PPP1R13L: variants seen among roughly 807,000 people sequenced by gnomAD.
PPP1R13L encodes the protein relA-associated inhibitor.
In PPP1R13L, 50 loss-of-function variants were observed where a neutral mutation model predicts 80.9. The observed-to-expected ratio is 0.62, with a 90% CI of 0.49 to 0.78. The LOEUF (loss-of-function observed/expected upper bound fraction) is 0.78, where lower values mean the gene tolerates loss of function less well. Among genes scored for constraint, PPP1R13L ranks in the 30% least tolerant of loss-of-function variants. PPP1R13L has a pLI of 0.00. For missense variants in PPP1R13L, 1,200 were observed against 1,205.9 expected (o/e 1.00, Z 0.07); for synonymous variants, 602 against 534.3 (o/e 1.13, Z -1.75).
chr19:45,392,466 C>G, intron 7 of PPP1R13L, 126 bp from the exon 8 acceptor site: 2 of 944,430 alleles, frequency 2.1e-6, no homozygotes, highest in South Asian at 2.8e-5. Flanking sequence ...GTTCCTTGCC[C>G]TCTCTGGGCT....
At chr19:45,384,249 A>G (rs1599762632) in intron 11 of PPP1R13L, among the ~76,000 whole-genome samples, 1 of 151,386 alleles carries the variant, frequency 6.6e-6, no homozygotes, top group South Asian at 2.1e-4. Flanking sequence ...GGCCGGGCAC[A>G]GTGGCTCACA....
intron 7 of PPP1R13L, chr19:45,393,161 TCCAGC>T (rs1973013511): frequency 1.3e-5 from 2 of 150,900 alleles, no homozygotes; most frequent in African/African-American, 4.9e-5. Flanking sequence ...ACCACTGCAC[TCCAGC>T]CTGGGCAAAA....
chr19:45,397,273 A>G (rs1429651304), intron 3 of PPP1R13L, among the ~76,000 whole-genome samples: 2 of 151,976 alleles, frequency 1.3e-5, no homozygotes, highest in South Asian at 4.1e-4. Flanking sequence ...TGTCACCTTT[A>G]TGCCACTTAG....
chr19:45,396,307 G>T lies in PPP1R13L; in HGVS notation c.811+31C>A. ...GTCTGTGGGGCTGCCTCTCCTCCGG[G>T]TCCTCCATTCCCCGGGCCTCCACCA... On this transcript the variant is annotated intron_variant, in intron 5 of 12. Coordinates refer to ENST00000360957, the MANE Select transcript of PPP1R13L (RefSeq NM_006663.4). This position sits in a 1 kb window ranked among gnomAD's most constrained non-coding sequence, Gnocchi z 5.3. The T allele has an allele frequency of 6.2e-7, 1 of 1,613,830 alleles. No individual in the cohort carries two copies. Among genetic ancestry groups the T allele is most frequent in the Non-Finnish European group, 8.5e-7 (1 of 1,179,962 alleles).
intron 1 of PPP1R13L, 27 bp from the exon 2 acceptor site, chr19:45,398,366 G>A: frequency 6.2e-7 from 1 of 1,606,848 alleles, no homozygotes; most frequent in South Asian, 1.1e-5. Flanking sequence ...GAGGGAGCTG[G>A]CTAAGACCCC....
rs561231630 is a variant in PPP1R13L at position 45,383,911 on chromosome 19, G to A, written c.2249-1185C>T. 2.5e-3 allele frequency among the ~76,000 whole-genome samples: 386 copies of A among 151,664 alleles called. 1 individual carries two copies. The highest frequency in any genetic ancestry group is 8.8e-3 in the African/African-American group (363 of 41,332). On this transcript the variant is annotated intron_variant, in intron 11 of 12. Transcript: ENST00000360957. ...AAAGTAGCTGGGACTACAGGCCCACGCCGCTACACCCGGCTAAATTGTTTT... is the reference window on the plus strand; with the variant it reads ...AAAGTAGCTGGGACTACAGGCCCACACCGCTACACCCGGCTAAATTGTTTT...
intron 8 of PPP1R13L, among the ~76,000 whole-genome samples, chr19:45,388,084 A>C (rs1206738163): frequency 6.6e-6 from 1 of 151,842 alleles, no homozygotes; most frequent in East Asian, 1.9e-4. Flanking sequence ...CATGAGAATC[A>C]CTTGAACCCA....
chr19:45,385,439 G>A lies in PPP1R13L; in HGVS notation c.2248+123C>T, dbSNP rs1972845480. On this transcript the variant is annotated intron_variant, in intron 11 of 12. Transcript: ENST00000360957. ...GGTCCATCCCTCATCCTCCTCCTCG[G>A]CAATCCTGCCAAGTGGTTGGTACAG... 3.3e-6 allele frequency: 4 copies of A among 1,199,666 alleles called. No individual in the cohort carries two copies. The South Asian group carries it at 6.4e-5, about 19-fold the overall frequency. The allele number at this position is 1,199,666 out of a possible 1,614,324, so 74.3% of individuals were successfully genotyped here.
At chr19:45,402,993 G>A (rs749671995) in intron 1 of PPP1R13L, among the ~76,000 whole-genome samples, 1 of 152,166 alleles carries the variant, frequency 6.6e-6, no homozygotes, top group Non-Finnish European at 1.5e-5. Context: ...ACTGTCTCTG[G>A]GACTCGGTTT....
chr19:45,404,461 G>A (rs1414479442), intron 1 of PPP1R13L, among the ~76,000 whole-genome samples: 1 of 152,160 alleles, frequency 6.6e-6, no homozygotes, highest in Non-Finnish European at 1.5e-5. Flanking sequence ...CCCCATCCCC[G>A]AGCCGAAAAG....
intron 7 of PPP1R13L, chr19:45,393,123 T>C (rs1030940079): frequency 6.8e-6 from 1 of 146,110 alleles, no homozygotes; most frequent in Non-Finnish European, 1.5e-5. Flanking sequence ...GAGGCGGAGG[T>C]TGCAGTGAGC....
chr19:45,392,679 G>T, intron 7 of PPP1R13L: 1 of 408,690 alleles, frequency 2.4e-6, no homozygotes, highest in South Asian at 2.1e-5. Context: ...CCATGCAGTT[G>T]GGACTTGAAC....
intron 8 of PPP1R13L, among the ~76,000 whole-genome samples, chr19:45,388,143 G>C (rs1380705691): frequency 6.6e-6 from 1 of 151,820 alleles, no homozygotes; most frequent in South Asian, 2.1e-4. Flanking sequence ...ACTCCAGCCT[G>C]GGTGACAGAG....
rs1972848561 is a variant in PPP1R13L, at chr19:45,385,563, T to C, written c.2247A>G (p.Ala749=). 1.2e-6 allele frequency: 2 copies of C among 1,610,246 alleles called. No homozygotes were observed. Among genetic ancestry groups the C allele is most frequent in the Non-Finnish European group, 1.7e-6 (2 of 1,178,130 alleles). ...EGYADCATYL[A]DVEQSMGLMN... is the part of the protein sequence containing the mutation. Reference sequence around the variant, plus strand: ...GGCGCCAGCAGCCCTGCCTCGCACCTGCCAGGTAGGTGGCGCAGTCAGCAT... The same window carrying C: ...GGCGCCAGCAGCCCTGCCTCGCACCCGCCAGGTAGGTGGCGCAGTCAGCAT... Residue 749 remains alanine (A), a splice_region_variant and synonymous_variant, in exon 11 of 13, where the codon GCA becomes GCG. Transcript: ENST00000360957.
intron 8 of PPP1R13L, 140 bp from the exon 9 acceptor site, chr19:45,386,320 G>T: frequency 9.0e-7 from 1 of 1,115,202 alleles, no homozygotes; most frequent in South Asian, 2.0e-5. Flanking sequence ...GATGGGGTGA[G>T]GGGGTGCCTT....
At chr19:45,398,790 C>T (rs138351326) in intron 1 of PPP1R13L, among the ~76,000 whole-genome samples, 14 of 151,856 alleles carry the variant, frequency 9.2e-5, no homozygotes, top group Middle Eastern at 3.4e-3. Context: ...GTCTCCGCGC[C>T]CGGCCGTGTC....
At chr19:45,404,618 G>A (rs1973293634) in intron 1 of PPP1R13L, among the ~76,000 whole-genome samples, 1 of 152,168 alleles carries the variant, frequency 6.6e-6, no homozygotes, top group Admixed American at 6.5e-5. Flanking sequence ...CTTGAGGCTG[G>A]CAGGGTGGTC....
Position 45,395,746 on chromosome 19 carries a change from G to T in PPP1R13L, c.1044C>A (p.Pro348=). 6.5e-7 allele frequency: 1 copy of T among 1,527,724 alleles called. No individual in the cohort carries two copies. Among genetic ancestry groups the T allele is most frequent in the Non-Finnish European group, 8.8e-7 (1 of 1,142,830 alleles). 94.6% of individuals were successfully genotyped at this position (1,527,724 alleles called of 1,614,324 possible). A position where few individuals can be genotyped will look rare whatever the true frequency, so the allele number is the denominator to read the frequency against. The change falls in exon 7 of 13, where the codon CCC becomes CCA. Residue 348 remains proline (P), a synonymous_variant. Coordinates refer to ENST00000360957, the MANE Select transcript of PPP1R13L (RefSeq NM_006663.4). ...PSGTLPRSWQ[P]VSRIPMPPSS... ...AGGGGGGCATGGGGATGCGGCTGACGGGCTGCCAGCTGCGAGGCAAAGTGC... is the reference window on the plus strand; with the variant it reads ...AGGGGGGCATGGGGATGCGGCTGACTGGCTGCCAGCTGCGAGGCAAAGTGC...
chr19:45,397,533 T>G (rs1276743851), intron 3 of PPP1R13L, among the ~76,000 whole-genome samples: 1 of 136,250 alleles, frequency 7.3e-6, no homozygotes, highest in African/African-American at 2.7e-5. Flanking sequence ...CTCGGCTCAT[T>G]GCAGCCTCAA....
Sources: gnomAD v4.1 joint callset for allele counts (sites outside exome capture counted in the v4.1 genomes callset) on GRCh38, gnomAD v4.1.1 for gene constraint, Gnocchi (gnomAD v3.1) non-coding constraint, MANE v1.5 for transcripts, NCBI Gene and HGNC (gene_info 2026-07-23, HGNC 2026-07-21) for gene names.